ITPRID1: variants seen among roughly 807,000 people sequenced by gnomAD.
ITPRID1 encodes the protein ITPR interacting domain containing 1.
ITPRID1 carries 96 observed loss-of-function variants against 95.4 expected under a neutral mutation model. That is an observed-to-expected ratio of 1.01 (90% CI 0.85 to 1.19). ITPRID1 has a LOEUF of 1.19. ITPRID1 is among the 50% of genes most tolerant of loss of function. The pLI is 0.00. For missense variants in ITPRID1, 1,339 were observed against 1,252.9 expected (o/e 1.07, Z -1.04); for synonymous variants, 510 against 453.6 (o/e 1.12, Z -1.58).
intron 10 of ITPRID1, among the ~76,000 whole-genome samples, chr7:31,585,621 G>T (rs1162376399): frequency 6.6e-6 from 1 of 152,140 alleles, no homozygotes; most frequent in Non-Finnish European, 1.5e-5. Context: ...GGGTTAAAAA[G>T]ATGAGTCTAC....
At chr7:31,637,503 T>C (rs1562641781) in intron 10 of ITPRID1, among the ~76,000 whole-genome samples, 1 of 152,236 alleles carries the variant, frequency 6.6e-6, no homozygotes. Flanking sequence ...ATGAGCATTT[T>C]TTCATGTGTC....
intron 6 of ITPRID1, among the ~76,000 whole-genome samples, chr7:31,571,060 T>C (rs1784970651): frequency 6.6e-6 from 1 of 151,188 alleles, no homozygotes; most frequent in Admixed American, 6.6e-5. Flanking sequence ...TGAGACAGAG[T>C]CTCTGTCACC....
rs558525997 is a variant in ITPRID1 at position 31,656,496 on chromosome 7, T to C, written c.*3667T>C. 3 of 981,128 alleles carry C rather than the reference T, an allele frequency of 3.1e-6. No individual in the cohort carries two copies. The African/African-American group carries it at 5.3e-5, about 17-fold the overall frequency. 60.8% of individuals were successfully genotyped at this position (981,128 alleles called of 1,614,324 possible). A position where few individuals can be genotyped will look rare whatever the true frequency, so the allele number is the denominator to read the frequency against. On this transcript the variant is annotated 3_prime_UTR_variant, in exon 15 of 15. Transcript: ENST00000615280. ...CACATACCAAGAACTCAATAAATGC[T>C]AACTGTAATTACTGTCTTCCTTCTG...
intron 5 of ITPRID1, 78 bp from the exon 6 acceptor site, chr7:31,569,680 G>T: frequency 8.3e-7 from 1 of 1,211,800 alleles, no homozygotes. Flanking sequence ...ATTCTACCTT[G>T]GTTTCATTTG....
intron 10 of ITPRID1, among the ~76,000 whole-genome samples, chr7:31,592,071 G>A (rs953815064): frequency 2.8e-4 from 42 of 152,208 alleles, no homozygotes; most frequent in African/African-American, 9.6e-4. Context: ...ATTTAGAAGG[G>A]TAAGAAAATG....
intron 1 of ITPRID1, 111 bp downstream of exon 1, chr7:31,514,231 G>T (rs1451299491): frequency 6.6e-6 from 1 of 152,034 alleles, no homozygotes; most frequent in Non-Finnish European, 1.5e-5. Context: ...AAAAACTTTT[G>T]TATGTGTGTG....
chr7:31,533,404 G>T (rs939780890), intron 1 of ITPRID1, among the ~76,000 whole-genome samples: 1 of 152,006 alleles, frequency 6.6e-6, no homozygotes, highest in Non-Finnish European at 1.5e-5. Flanking sequence ...TCAATTGTTT[G>T]AAACTTTTAA....
intron 1 of ITPRID1, among the ~76,000 whole-genome samples, chr7:31,546,352 C>T (rs1439268483): frequency 6.6e-6 from 1 of 151,954 alleles, no homozygotes; most frequent in African/African-American, 2.4e-5. Context: ...AATAAGCAGG[C>T]ATCAAGTGAT....
At chr7:31,613,906 T>C (rs1025416221) in intron 10 of ITPRID1, among the ~76,000 whole-genome samples, 2 of 152,210 alleles carry the variant, frequency 1.3e-5, no homozygotes, top group African/African-American at 4.8e-5. Context: ...CTAATGCATA[T>C]GTAGGGGGAG....
At chr7:31,571,226 C>G (rs780495784) in intron 6 of ITPRID1, among the ~76,000 whole-genome samples, 1 of 152,018 alleles carries the variant, frequency 6.6e-6, no homozygotes, top group African/African-American at 2.4e-5. Flanking sequence ...GGGGGTTTCA[C>G]CATCTTGGCC....
intron 8 of ITPRID1, among the ~76,000 whole-genome samples, chr7:31,576,936 A>G (rs1342511934): frequency 1.3e-5 from 2 of 150,078 alleles, no homozygotes; most frequent in African/African-American, 4.9e-5. Flanking sequence ...TTTTTTTTTC[A>G]AACTGGCAAT....
chr7:31,627,889 A>G (rs1326581460), intron 10 of ITPRID1, among the ~76,000 whole-genome samples: 1 of 152,200 alleles, frequency 6.6e-6, no homozygotes, highest in African/African-American at 2.4e-5. Flanking sequence ...TTATTGTACT[A>G]TGAGTATCAT....
Position 31,609,071 on chromosome 7 carries a change from T to C in ITPRID1, c.1228+25880T>C, listed in dbSNP as rs190291273. ...TTGTCAAATGCTTTTTTGGCATCAA[T>C]TGAGGCGGCCATGTGGTTTTTTTCT... On this transcript the variant is annotated intron_variant, in intron 10 of 14. Coordinates refer to ENST00000615280, the MANE Select transcript of ITPRID1 (RefSeq NM_001257967.3). Among the ~76,000 whole-genome samples, 182 of 151,852 alleles carry C rather than the reference T, an allele frequency of 1.2e-3. 5 individuals are homozygous for C. Among genetic ancestry groups the C allele is most frequent in the Admixed American group, 0.012 (180 of 15,242 alleles).
At chr7:31,545,262 C>T (rs986134048) in intron 1 of ITPRID1, among the ~76,000 whole-genome samples, 3 of 152,018 alleles carry the variant, frequency 2.0e-5, no homozygotes, top group Non-Finnish European at 4.4e-5. Flanking sequence ...CATCTTGGAA[C>T]AAGTAGTTCT....
intron 1 of ITPRID1, among the ~76,000 whole-genome samples, chr7:31,520,709 A>T (rs898747664): frequency 1.3e-5 from 2 of 152,260 alleles, no homozygotes; most frequent in South Asian, 4.1e-4. Flanking sequence ...GTTCATTACT[A>T]GTGGAGTGTT....
intron 3 of ITPRID1, among the ~76,000 whole-genome samples, chr7:31,553,748 C>T (rs920867941): frequency 1.3e-5 from 2 of 152,160 alleles, no homozygotes; most frequent in Non-Finnish European, 2.9e-5. Context: ...GTTCACCTGA[C>T]ACCTTGTGAG....
At chr7:31,639,629 C>T (rs575791909) in intron 10 of ITPRID1, among the ~76,000 whole-genome samples, 14 of 151,470 alleles carry the variant, frequency 9.2e-5, no homozygotes, top group African/African-American at 2.2e-4. Context: ...CTCTGCCTCC[C>T]GGGTTCATGC....
At chr7:31,646,741 T>A (rs1281841935) in intron 12 of ITPRID1, among the ~76,000 whole-genome samples, 2 of 152,158 alleles carry the variant, frequency 1.3e-5, no homozygotes, top group African/African-American at 2.4e-5. Context: ...CCCATTATGC[T>A]CAGTAACTGT....
chr7:31,642,024 A>T (rs970794996), intron 10 of ITPRID1, among the ~76,000 whole-genome samples, 152 bp from the exon 11 acceptor site: 21 of 152,202 alleles, frequency 1.4e-4, no homozygotes, highest in Non-Finnish European at 2.5e-4. Flanking sequence ...CGAGAAAAAA[A>T]TGTCCTTGGA....
Sources: gnomAD v4.1 joint callset for allele counts (sites outside exome capture counted in the v4.1 genomes callset) on GRCh38, gnomAD v4.1.1 for gene constraint, MANE v1.5 for transcripts, NCBI Gene and HGNC (gene_info 2026-07-23, HGNC 2026-07-21) for gene names.